The following LOC400499 variants were observed in gnomAD, a reference collection of about 807,000 sequenced individuals.
At chr16:11,519,041 A>G in the LOC400499 span, 1 of 398,746 alleles carries the variant, frequency 2.5e-6, no homozygotes. Flanking sequence ...CACCCCACCC[A>G]CAAAGCAGTT....
chr16:11,406,303 G>C, the LOC400499 span, among the ~76,000 whole-genome samples: 1 of 152,168 alleles, frequency 6.6e-6, no homozygotes, highest in Non-Finnish European at 1.5e-5. Flanking sequence ...AGTTCACTTA[G>C]GATAATTGCA....
the LOC400499 span, among the ~76,000 whole-genome samples, chr16:11,462,733 T>G: frequency 6.6e-6 from 1 of 152,136 alleles, no homozygotes; most frequent in Non-Finnish European, 1.5e-5. Flanking sequence ...CTTCCCCAAT[T>G]TTTTAAACTC....
the LOC400499 span, chr16:11,401,945 C>T: frequency 2.5e-6 from 1 of 398,632 alleles, no homozygotes; most frequent in Admixed American, 4.4e-5. Context: ...AGATAAGGCT[C>T]CTCAGGCAGG....
the LOC400499 span, among the ~76,000 whole-genome samples, chr16:11,454,637 G>A: frequency 2.0e-5 from 3 of 152,216 alleles, no homozygotes; most frequent in African/African-American, 7.2e-5. Context: ...GAGAGAACAT[G>A]GCCCTGGTGG....
At chr16:11,390,963 GTTCTC>G in the LOC400499 span, among the ~76,000 whole-genome samples, 2 of 152,328 alleles carry the variant, frequency 1.3e-5, no homozygotes, top group Admixed American at 1.3e-4. Context: ...ACTGGCCCTG[GTTCTC>G]CCTAGACTCC....
chr16:11,507,426 C>G, the LOC400499 span, among the ~76,000 whole-genome samples: 1 of 152,198 alleles, frequency 6.6e-6, no homozygotes, highest in Admixed American at 6.5e-5. Context: ...GCGAGAAACC[C>G]TGCTTTGGGC....
chr16:11,399,280 C>G, the LOC400499 span: 2 of 979,768 alleles, frequency 2.0e-6, no homozygotes, highest in Non-Finnish European at 2.4e-6. Flanking sequence ...CTTCCAGAGC[C>G]CTCACCACAT....
the LOC400499 span, among the ~76,000 whole-genome samples, chr16:11,513,313 G>A: frequency 1.3e-5 from 2 of 149,738 alleles, no homozygotes; most frequent in Non-Finnish European, 2.9e-5. Context: ...GCTGAGGTGG[G>A]AGGATCACCT....
At chr16:11,424,198 G>C in the LOC400499 span, 2 of 399,254 alleles carry the variant, frequency 5.0e-6, no homozygotes, top group Non-Finnish European at 4.4e-6. Context: ...CTGGCATGGA[G>C]CTGGAGGCCC....
At chr16:11,392,958 A>G in the LOC400499 span, among the ~76,000 whole-genome samples, 1 of 152,052 alleles carries the variant, frequency 6.6e-6, no homozygotes, top group African/African-American at 2.4e-5. Context: ...GGTTCACGCC[A>G]TTCTCCTGCC....
At chr16:11,460,170 T>A in the LOC400499 span, 1 of 905,290 alleles carries the variant, frequency 1.1e-6, no homozygotes, top group Non-Finnish European at 1.5e-6. Flanking sequence ...GAGACGGTTC[T>A]GTAGAAAGCA....
the LOC400499 span, chr16:11,457,055 C>A: frequency 3.3e-6 from 5 of 1,504,218 alleles, no homozygotes; most frequent in Non-Finnish European, 4.4e-6. Flanking sequence ...GAATGCCCAC[C>A]CCCCCAAGAT....
At chr16:11,466,791 G>C in the LOC400499 span, among the ~76,000 whole-genome samples, 1 of 152,016 alleles carries the variant, frequency 6.6e-6, no homozygotes, top group African/African-American at 2.4e-5. Flanking sequence ...TAAATGTATT[G>C]CCTATTTAAT....
At chr16:11,391,017 C>T in the LOC400499 span, among the ~76,000 whole-genome samples, 1 of 152,260 alleles carries the variant, frequency 6.6e-6, no homozygotes, top group Non-Finnish European at 1.5e-5. Context: ...TCCTGCATCC[C>T]CTCACTATAA....
At chr16:11,372,271 A>C in the LOC400499 span, 2 of 152,240 alleles carry the variant, frequency 1.3e-5, no homozygotes, top group Non-Finnish European at 2.9e-5. Context: ...CTCCTGCCTG[A>C]AAAGACCCCT....
At chr16:11,401,436 C>T in the LOC400499 span, 2 of 399,328 alleles carry the variant, frequency 5.0e-6, no homozygotes, top group Non-Finnish European at 8.8e-6. Context: ...CAGCCAGTGG[C>T]CTTGCCCAGA....
At chr16:11,525,914 T>C in the LOC400499 span, among the ~76,000 whole-genome samples, 1 of 152,240 alleles carries the variant, frequency 6.6e-6, no homozygotes, top group Admixed American at 6.5e-5. Context: ...AATAAATTCT[T>C]CAATCAGATC....
At chr16:11,382,310 TTC>T in the LOC400499 span, among the ~76,000 whole-genome samples, 5 of 152,248 alleles carry the variant, frequency 3.3e-5, no homozygotes, top group Non-Finnish European at 7.3e-5. Context: ...TAATTTTCTC[TTC>T]TGCTGTTAAG....
At chr16:11,432,763 C>T in the LOC400499 span, among the ~76,000 whole-genome samples, 1 of 152,216 alleles carries the variant, frequency 6.6e-6, no homozygotes, top group Non-Finnish European at 1.5e-5. Flanking sequence ...TCGTGGTGCA[C>T]AGCTGTGGAC....
Sources: allele counts gnomAD v4.1 joint callset (sites outside exome capture counted in the v4.1 genomes callset), GRCh38; gene constraint gnomAD v4.1.1; transcripts MANE v1.5.